SLC2A9: variants seen among roughly 807,000 people sequenced by gnomAD.
SLC2A9 encodes the protein solute carrier family 2, facilitated glucose transporter member 9.
A neutral mutation model predicts 50.6 loss-of-function variants in SLC2A9; 39 were observed. The observed-to-expected ratio is 0.77, with a 90% CI of 0.60 to 1.01. SLC2A9 has a LOEUF of 1.01. SLC2A9 is among the 50% of genes least tolerant of loss of function. The probability of loss-of-function intolerance (pLI) is 0.00; values close to 1 mark genes in which losing one functional copy is unlikely to be tolerated. For synonymous variants in SLC2A9, 324 were observed against 276.9 expected, an observed-to-expected ratio of 1.17 and a Z score of -1.69; for missense variants, 686 against 677.6, an observed-to-expected ratio of 1.01 and a Z score of -0.14.
At chr4:9,903,077 G>A (rs1739959974) in intron 8 of SLC2A9, among the ~76,000 whole-genome samples, 1 of 152,104 alleles carries the variant, frequency 6.6e-6, no homozygotes, top group African/African-American at 2.4e-5. Flanking sequence ...GCAGCTGCGG[G>A]GCCAGTATGA....
At chr4:9,858,024 A>G (rs1731000258) in intron 10 of SLC2A9, among the ~76,000 whole-genome samples, 1 of 152,282 alleles carries the variant, frequency 6.6e-6, no homozygotes, top group African/African-American at 2.4e-5. Context: ...CTTCAGAGTC[A>G]GCAAATCAGA....
At chr4:9,884,134 AGC>A (rs2109686994) in intron 10 of SLC2A9, among the ~76,000 whole-genome samples, 1 of 152,222 alleles carries the variant, frequency 6.6e-6, no homozygotes, top group East Asian at 1.9e-4. Context: ...TATTGTGTGA[AGC>A]TTCTGTCATT....
intron 1 of SLC2A9, chr4:10,034,902 G>C (rs948897569): frequency 6.6e-6 from 1 of 152,240 alleles, no homozygotes. Context: ...TGGCTCTCAG[G>C]TGATGGGTTT....
At chr4:9,871,021 A>G (rs1733346995) in intron 10 of SLC2A9, among the ~76,000 whole-genome samples, 1 of 152,124 alleles carries the variant, frequency 6.6e-6, no homozygotes, top group Non-Finnish European at 1.5e-5. Context: ...GACTCAAGAG[A>G]TCTTCCTATC....
chr4:9,850,204 G>T (rs910837155), intron 10 of SLC2A9, among the ~76,000 whole-genome samples: 2 of 152,084 alleles, frequency 1.3e-5, no homozygotes. Flanking sequence ...GGAATGGCCC[G>T]CTCTCACCAT....
chr4:9,954,451 T>C (rs928959791), intron 5 of SLC2A9, among the ~76,000 whole-genome samples: 1 of 152,256 alleles, frequency 6.6e-6, no homozygotes, highest in Admixed American at 6.5e-5. Flanking sequence ...ACTGACCTCC[T>C]GCTCTGCCCT....
At chr4:9,876,595 ACAAACAAACAAACAAG>A (rs935081313) in intron 10 of SLC2A9, among the ~76,000 whole-genome samples, 10 of 117,800 alleles carry the variant, frequency 8.5e-5, no homozygotes, top group African/African-American at 3.2e-4. Flanking sequence ...TATCTCTAAA[ACAAACAAACAAACAAG>A]CAAACAAACA....
downstream of SLC2A9, among the ~76,000 whole-genome samples, chr4:9,798,162 G>T (rs561378322): frequency 6.6e-6 from 1 of 152,330 alleles, no homozygotes; most frequent in East Asian, 1.9e-4. Flanking sequence ...TAGGCACAGA[G>T]GAAAGTAACT....
At chr4:9,941,818 C>G in intron 6 of SLC2A9, 95 bp downstream of exon 6, 1 of 1,556,286 alleles carries the variant, frequency 6.4e-7, no homozygotes, top group Non-Finnish European at 8.8e-7. Context: ...AATGACAACA[C>G]CCCTTCCTGT....
At chr4:9,962,585 A>C (rs149424693) in intron 5 of SLC2A9, among the ~76,000 whole-genome samples, 1 of 152,222 alleles carries the variant, frequency 6.6e-6, no homozygotes, top group East Asian at 1.9e-4. Context: ...GGGCAGGGGG[A>C]GGGACAGTAA....
chr4:9,859,032 G>T (rs1731180766), intron 10 of SLC2A9, among the ~76,000 whole-genome samples: 1 of 152,158 alleles, frequency 6.6e-6, no homozygotes, highest in Non-Finnish European at 1.5e-5. Context: ...GTTTGCCAGG[G>T]ACTCTCGGGT....
chr4:9,989,213 C>T (rs996289049), intron 3 of SLC2A9, among the ~76,000 whole-genome samples: 10 of 152,176 alleles, frequency 6.6e-5, no homozygotes, highest in African/African-American at 2.2e-4. Flanking sequence ...TGGCAAAACC[C>T]CAGCTGGTTA....
rs779404764 is a variant in SLC2A9 at position 9,890,702 on chromosome 4, T to C, written c.1123A>G (p.Ile375Val). 1 of 1,613,934 alleles carries C rather than the reference T, an allele frequency of 6.2e-7. No individual in the cohort carries two copies. Among genetic ancestry groups the C allele is most frequent in the East Asian group, 2.2e-5 (1 of 44,872 alleles). ...TLAAVFSGLV[I>V]EHLGRRPLLI... Reference sequence around the variant, plus strand: ...AGGGGTCTCCGTCCCAGGTGCTCAATGACCAAACCCTAGTCCAGGGTAAAA... The same window carrying C: ...AGGGGTCTCCGTCCCAGGTGCTCAACGACCAAACCCTAGTCCAGGGTAAAA... Residue 375 changes from isoleucine (I) to valine (V), a missense_variant, in exon 9 of 12, where the codon ATT becomes GTT. Transcript: ENST00000264784.
intron 10 of SLC2A9, among the ~76,000 whole-genome samples, chr4:9,886,041 G>C (rs1736141770): frequency 6.6e-6 from 1 of 152,210 alleles, no homozygotes; most frequent in Non-Finnish European, 1.5e-5. Context: ...AGGTGTGCAT[G>C]TGTGTGTGAG....
upstream of SLC2A9, among the ~76,000 whole-genome samples, chr4:10,021,921 C>T (rs1392093850): frequency 6.6e-6 from 1 of 151,756 alleles, no homozygotes; most frequent in Non-Finnish European, 1.5e-5. Context: ...CTCACTGCAA[C>T]CTCCGCACCT....
chr4:9,782,394 T>A, intron 3 of SLC2A9: 1 of 1,614,048 alleles, frequency 6.2e-7, no homozygotes, highest in Non-Finnish European at 8.5e-7. Context: ...TTCGACATCA[T>A]GTGCTCCACT....
intron 3 of SLC2A9, among the ~76,000 whole-genome samples, chr4:9,819,921 G>T (rs556412570): frequency 2.0e-5 from 3 of 152,194 alleles, no homozygotes; most frequent in Admixed American, 2.0e-4. Context: ...GTGACAGAGC[G>T]AGACTCCGTC....
chr4:9,921,383 A>C (rs945552865), intron 6 of SLC2A9, among the ~76,000 whole-genome samples: 1 of 152,158 alleles, frequency 6.6e-6, no homozygotes, highest in African/African-American at 2.4e-5. Context: ...AGATCCCGGA[A>C]AGCACAATAA....
At chr4:9,899,803 T>C (rs1577777216) in intron 8 of SLC2A9, among the ~76,000 whole-genome samples, 1 of 152,082 alleles carries the variant, frequency 6.6e-6, no homozygotes, top group Admixed American at 6.5e-5. Context: ...AAAACAGACA[T>C]GGGTTTTCCT....
Sources: allele counts gnomAD v4.1 joint callset (sites outside exome capture counted in the v4.1 genomes callset), GRCh38; gene constraint gnomAD v4.1.1; transcripts MANE v1.5; gene names NCBI Gene and HGNC (gene_info 2026-07-23, HGNC 2026-07-21).